CADM2: variants seen among roughly 807,000 people sequenced by gnomAD.
The protein encoded by CADM2 is immunoglobulin superfamily member 4D.
A neutral mutation model predicts 49.8 loss-of-function variants in CADM2; 12 were observed. The observed-to-expected ratio is 0.24, with a 90% CI of 0.15 to 0.39. The LOEUF is 0.39. Ranked by LOEUF, CADM2 falls within the 10% of genes least tolerant of loss-of-function variation. CADM2 has a pLI of 1.00. For missense variants in CADM2, 378 were observed against 492.3 expected, an observed-to-expected ratio of 0.77 and a Z score of 2.20; for synonymous variants, 214 against 175.4, an observed-to-expected ratio of 1.22 and a Z score of -1.74.
Position 85,977,658 on chromosome 3 carries a change from A to G in CADM2, c.970+16011A>G, listed in dbSNP as rs567776093. Among the ~76,000 whole-genome samples the G allele has an allele frequency of 1.4e-3, 209 of 151,778 alleles. 7 individuals are homozygous for G. In the South Asian group the frequency reaches 0.04, roughly 29 times the overall value. ...TAGTAAACAAGAAGTATCTTTGTCC[A>G]TATACATAATCTTTCTTCATTTATA... On this transcript the variant is annotated intron_variant, in intron 8 of 9. Transcript: ENST00000383699.
At chr3:85,339,464 G>A (rs576373297) in intron 1 of CADM2, among the ~76,000 whole-genome samples, 1 of 151,234 alleles carries the variant, frequency 6.6e-6, no homozygotes, top group Non-Finnish European at 1.5e-5. Flanking sequence ...GTTTCTCTTG[G>A]TCTCCCAAAG....
intron 8 of CADM2, among the ~76,000 whole-genome samples, chr3:86,026,159 G>A (rs947508602): frequency 6.6e-6 from 1 of 152,110 alleles, no homozygotes; most frequent in Non-Finnish European, 1.5e-5. Context: ...TTTTCAAGAA[G>A]TTAGATAATA....
chr3:86,039,469 C>T (rs927532643), intron 8 of CADM2, among the ~76,000 whole-genome samples: 3 of 152,178 alleles, frequency 2.0e-5, no homozygotes, highest in East Asian at 1.9e-4. Context: ...CCCACGCCCA[C>T]GGAGCCTCAC....
Position 86,069,441 on chromosome 3 carries a change from G to C in CADM2, c.*2658G>C, listed in dbSNP as rs548418878. On this transcript the variant is annotated 3_prime_UTR_variant, in exon 10 of 10. Coordinates refer to ENST00000383699, the MANE Select transcript of CADM2 (RefSeq NM_001167675.2). The stretch of plus-strand genomic sequence containing the variant: ...TGATTTAAATGAGACACCATGTTCT[G>C]AACTGGAGAAAACAATATCAATGAA... 6.6e-6 allele frequency: 1 copy of C among 151,998 alleles called. No individual in the cohort carries two copies. The highest frequency in any genetic ancestry group is 2.1e-4 in the South Asian group (1 of 4,818). 9.4% of individuals were successfully genotyped at this position (151,998 alleles called of 1,614,324 possible).
At chr3:85,754,328 C>A (rs1432937047) in intron 2 of CADM2, among the ~76,000 whole-genome samples, 1 of 152,108 alleles carries the variant, frequency 6.6e-6, no homozygotes, top group Non-Finnish European at 1.5e-5. Context: ...GTGAAACAAC[C>A]ACCTGACCAT....
At chr3:85,690,919 G>A (rs1418144193) in intron 1 of CADM2, among the ~76,000 whole-genome samples, 1 of 152,132 alleles carries the variant, frequency 6.6e-6, no homozygotes, top group Non-Finnish European at 1.5e-5. Context: ...TCTTTGTGAT[G>A]AGAACATTCA....
intron 1 of CADM2, among the ~76,000 whole-genome samples, chr3:85,422,857 C>T (rs2036237484): frequency 1.3e-5 from 2 of 151,838 alleles, no homozygotes; most frequent in South Asian, 2.1e-4. Context: ...GGCAGTGTCT[C>T]GGGGTGTTAC....
At chr3:85,167,079 T>C (rs1166274005) in intron 1 of CADM2, among the ~76,000 whole-genome samples, 1 of 152,076 alleles carries the variant, frequency 6.6e-6, no homozygotes, top group South Asian at 2.1e-4. Flanking sequence ...CTAAAGCCTT[T>C]GTCAATATAT....
At chr3:85,998,931 G>C (rs1729775281) in intron 8 of CADM2, among the ~76,000 whole-genome samples, 1 of 152,070 alleles carries the variant, frequency 6.6e-6, no homozygotes, top group African/African-American at 2.4e-5. Context: ...AAGAATGAGA[G>C]ATACCAAAGA....
At chr3:85,879,126 A>G (rs1376895325) in intron 3 of CADM2, among the ~76,000 whole-genome samples, 5 of 151,580 alleles carry the variant, frequency 3.3e-5, no homozygotes, top group South Asian at 2.1e-4. Flanking sequence ...TTGTTTTGAA[A>G]AGGGGTTGAT....
chr3:85,533,231 G>A (rs891294042), intron 1 of CADM2, among the ~76,000 whole-genome samples: 6 of 152,152 alleles, frequency 3.9e-5, no homozygotes, highest in African/African-American at 1.4e-4. Flanking sequence ...AATCACCTAG[G>A]CAACTTGGTC....
At chr3:85,385,574 T>C (rs1325239552) in intron 1 of CADM2, 2 of 152,090 alleles carry the variant, frequency 1.3e-5, no homozygotes, top group Admixed American at 1.3e-4. Flanking sequence ...CAGGAAAGAA[T>C]TGAGTTTTGG....
At chr3:85,912,242 G>A in intron 5 of CADM2, 131 bp from the exon 6 acceptor site, 2 of 641,328 alleles carry the variant, frequency 3.1e-6, no homozygotes, top group South Asian at 2.4e-5. Context: ...TAGATTAAAT[G>A]TTAAAATCAC....
rs548091044 is a variant in CADM2, at chr3:85,740,299, A to G, written c.88+13751A>G. The stretch of plus-strand genomic sequence containing the variant: ...TTAACTGATTGTATGCCCTATCTGT[A>G]TGCCTTATTCCAGTGAGCCCTGTAA... On this transcript the variant is annotated intron_variant, in intron 2 of 9. Transcript: ENST00000383699. 2.6e-5 allele frequency among the ~76,000 whole-genome samples: 4 copies of G among 152,250 alleles called. No homozygotes were observed. In the East Asian group the frequency reaches 7.7e-4, roughly 29 times the overall value.
intron 1 of CADM2, among the ~76,000 whole-genome samples, chr3:85,391,968 G>A (rs1293322489): frequency 6.6e-6 from 1 of 152,098 alleles, no homozygotes; most frequent in African/African-American, 2.4e-5. Context: ...TTGTACACTT[G>A]CAAATGACAG....
intron 1 of CADM2, among the ~76,000 whole-genome samples, chr3:85,289,452 C>A (rs934631449): frequency 2.0e-5 from 3 of 152,116 alleles, no homozygotes; most frequent in Non-Finnish European, 2.9e-5. Flanking sequence ...TCTATGCTTG[C>A]AATAGACTGT....
At chr3:85,032,215 G>GTT (rs71105002) in intron 1 of CADM2, among the ~76,000 whole-genome samples, 809 of 147,476 alleles carry the variant, frequency 5.5e-3, no homozygotes, top group Middle Eastern at 7.1e-3. Flanking sequence ...CCAGTTACTG[G>GTT]TTTTTTTTTT....
At chr3:85,445,487 A>G (rs2037405561) in intron 1 of CADM2, among the ~76,000 whole-genome samples, 1 of 152,058 alleles carries the variant, frequency 6.6e-6, no homozygotes, top group Non-Finnish European at 1.5e-5. Context: ...ATATTATAAT[A>G]TGTACATTTA....
chr3:84,975,911 G>A (rs540120340), intron 1 of CADM2, among the ~76,000 whole-genome samples: 1 of 151,860 alleles, frequency 6.6e-6, no homozygotes, highest in East Asian at 1.9e-4. Flanking sequence ...AAAATCAAAA[G>A]TATTATAAGA....
Sources: gnomAD v4.1 joint callset for allele counts (sites outside exome capture counted in the v4.1 genomes callset) on GRCh38, gnomAD v4.1.1 for gene constraint, MANE v1.5 for transcripts, NCBI Gene and HGNC (gene_info 2026-07-23, HGNC 2026-07-21) for gene names.